ZNF790: variants seen among roughly 807,000 people sequenced by gnomAD.
ZNF790 encodes zinc finger protein 790.
In ZNF790, 8 loss-of-function variants were observed where a neutral mutation model predicts 12.1. That is an observed-to-expected ratio of 0.66 (90% CI 0.39 to 1.19). The LOEUF (loss-of-function observed/expected upper bound fraction) is 1.19, where lower values mean the gene tolerates loss of function less well. ZNF790 is among the 50% of genes most tolerant of loss of function. The probability of loss-of-function intolerance (pLI) is 0.01; values close to 1 mark genes in which losing one functional copy is unlikely to be tolerated. For synonymous variants in ZNF790, 252 were observed against 244.3 expected (o/e 1.03, Z -0.29); for missense variants, 707 against 752.2 (o/e 0.94, Z 0.70).
upstream of ZNF790, among the ~76,000 whole-genome samples, chr19:36,839,825 G>A (rs1008802561): frequency 1.3e-5 from 2 of 152,154 alleles, no homozygotes; most frequent in African/African-American, 2.4e-5. Context: ...CACTTTGGGA[G>A]GCTGAGGAGG....
At chr19:36,847,812 T>C (rs1045904936) in intron 1 of ZNF790, among the ~76,000 whole-genome samples, 2 of 150,758 alleles carry the variant, frequency 1.3e-5, no homozygotes, top group African/African-American at 4.9e-5. Context: ...AGAGCCTACA[T>C]AGATGGAATT....
intron 1 of ZNF790, among the ~76,000 whole-genome samples, chr19:36,844,085 G>A (rs1346284432): frequency 6.6e-6 from 1 of 151,278 alleles, no homozygotes; most frequent in Non-Finnish European, 1.5e-5. Flanking sequence ...CTTTGGGAAT[G>A]CCTGGGTGGA....
At chr19:36,829,830 G>A (rs764192797) in intron 1 of ZNF790, among the ~76,000 whole-genome samples, 7 of 152,158 alleles carry the variant, frequency 4.6e-5, no homozygotes, top group Middle Eastern at 3.2e-3. Flanking sequence ...GCCTCCCAAA[G>A]TGCTGGGATT....
rs754595600 is a variant in ZNF790 at position 36,823,383 on chromosome 19, G to A, written c.134-3C>T. 5.6e-6 allele frequency: 9 copies of A among 1,613,116 alleles called. No homozygotes were observed. In the Admixed American group the frequency reaches 1.2e-4, roughly 21 times the overall value. On this transcript the variant is annotated splice_region_variant and splice_polypyrimidine_tract_variant and intron_variant, in intron 3 of 4. Transcript: ENST00000356725. Reference sequence around the variant, plus strand: ...TTCTGGCTGATAAATGCAAAAACCTGCCCAGAAGATGAGAAACAGCAAAGA... The same window carrying A: ...TTCTGGCTGATAAATGCAAAAACCTACCCAGAAGATGAGAAACAGCAAAGA...
chr19:36,836,173 A>C (rs551219739), intron 1 of ZNF790, among the ~76,000 whole-genome samples: 1 of 152,256 alleles, frequency 6.6e-6, no homozygotes, highest in South Asian at 2.1e-4. Context: ...TTAGGTAAGC[A>C]AACTACAGAA....
chr19:36,846,746 A>G (rs772833405), intron 1 of ZNF790, among the ~76,000 whole-genome samples: 14 of 152,196 alleles, frequency 9.2e-5, no homozygotes, highest in South Asian at 6.2e-4. Flanking sequence ...CTATTAGTCT[A>G]TTTGGCACTC....
At chr19:36,832,301 A>G (rs1165707559) in intron 1 of ZNF790, among the ~76,000 whole-genome samples, 1 of 152,222 alleles carries the variant, frequency 6.6e-6, no homozygotes, top group Non-Finnish European at 1.5e-5. Flanking sequence ...GATGGCCCCA[A>G]AGGTACCCAG....
At chr19:36,822,951 A>G (rs959221258) in intron 4 of ZNF790, among the ~76,000 whole-genome samples, 10 of 145,020 alleles carry the variant, frequency 6.9e-5, no homozygotes, top group African/African-American at 2.3e-4. Flanking sequence ...CCCTGGTTCA[A>G]CAATTCTCCT....
chr19:36,839,559 C>A (rs1028776181), upstream of ZNF790, among the ~76,000 whole-genome samples: 1 of 152,088 alleles, frequency 6.6e-6, no homozygotes, highest in Non-Finnish European at 1.5e-5. Flanking sequence ...TGCCATCACA[C>A]TCAGCTAATT....
At chr19:36,834,020 A>T (rs1021655570) in intron 1 of ZNF790, among the ~76,000 whole-genome samples, 1 of 152,034 alleles carries the variant, frequency 6.6e-6, no homozygotes, top group South Asian at 2.1e-4. Context: ...AGGCGGGTGG[A>T]TCATCTGAGG....
chr19:36,818,778 AG>A lies in ZNF790; in HGVS notation c.1565del (p.Thr522IlefsTer131), dbSNP rs773114573. On this transcript the variant is annotated frameshift_variant, in exon 5 of 5. Transcript: ENST00000356725. LOFTEE classifies it low-confidence loss of function (END_TRUNC). ...GKAFLWGSQL[T>X]RHQRMHTGEE... ...CACCAGTATGCATTCTCTGATGTCG[AG>A]TAAGTTGTGAACCCCAGAGAAAGGC... 13 of 1,610,202 alleles carry A rather than the reference AG, an allele frequency of 8.1e-6. No homozygotes were observed. Among genetic ancestry groups the A allele is most frequent in the Admixed American group, 6.8e-5 (4 of 58,942 alleles).
intron 4 of ZNF790, 137 bp downstream of exon 4, chr19:36,823,148 A>G (rs1600649865): frequency 1.5e-6 from 1 of 661,566 alleles, no homozygotes; most frequent in Non-Finnish European, 2.5e-6. Context: ...TACAGGCGGG[A>G]GCCACCACAC....
In ZNF790 at chr19:36,828,579, C is replaced by T. The variant is rs76495702; in HGVS notation, c.-73-2887G>A. On this transcript the variant is annotated intron_variant, in intron 1 of 4. Coordinates refer to ENST00000356725, the MANE Select transcript of ZNF790 (RefSeq NM_206894.4). The stretch of plus-strand genomic sequence containing the variant: ...GTTGCCTCAAACTGCTAGGCTGAAG[C>T]GATCCTTCCACCTCAGTCTGCTGAA... Among the ~76,000 whole-genome samples the T allele has an allele frequency of 6.5e-3, 986 of 152,148 alleles. 11 individuals carry two copies. Among genetic ancestry groups the T allele is most frequent in the African/African-American group, 0.022 (914 of 41,502 alleles).
In ZNF790 at chr19:36,818,829, T is replaced by C. The variant is rs762228076; in HGVS notation, c.1515A>G (p.Pro505=). The change falls in exon 5 of 5, where the codon CCA becomes CCG. Residue 505 remains proline, a synonymous_variant. Transcript: ENST00000356725. ...CTTTTCCACATTCTTCACATTCATA[T>C]GGCCTCTTTCCAGTATGAATTTTCT... The part of the protein sequence containing the change: ...RHQKIHTGKR[P]YECEECGKAF... 1 of 1,613,350 alleles carries C rather than the reference T, an allele frequency of 6.2e-7. No individual in the cohort carries two copies. The highest frequency in any genetic ancestry group is 1.1e-5 in the South Asian group (1 of 91,024).
At position 36,817,608 on chromosome 19, in the gene ZNF790, A is replaced by G. The variant is rs539647313; in HGVS notation, c.*825T>C. 2.0e-5 allele frequency: 3 copies of G among 152,000 alleles called. No homozygotes were observed. In the East Asian group the frequency reaches 5.8e-4, roughly 29 times the overall value. The allele number at this position is 152,000 out of a possible 1,614,324, so 9.4% of individuals were successfully genotyped here. ...AGTCATGTAAATCTCAAATCATTCA[A>G]CCCTTATAATCTAATGAATACGATT... is the stretch of plus-strand genomic sequence containing the variant. On this transcript the variant is annotated 3_prime_UTR_variant, in exon 5 of 5. Coordinates refer to ENST00000356725, the MANE Select transcript of ZNF790 (RefSeq NM_206894.4).
At chr19:36,829,439 T>C (rs953412797) in intron 1 of ZNF790, among the ~76,000 whole-genome samples, 3 of 152,220 alleles carry the variant, frequency 2.0e-5, no homozygotes, top group African/African-American at 7.2e-5. Context: ...TCAAGGTTTA[T>C]CCAAATTGTA....
At chr19:36,821,834 G>A (rs192180494) in intron 4 of ZNF790, among the ~76,000 whole-genome samples, 42 of 152,080 alleles carry the variant, frequency 2.8e-4, no homozygotes, top group African/African-American at 9.4e-4. Flanking sequence ...TGATTCACCC[G>A]CCTCGGCCTT....
intron 1 of ZNF790, among the ~76,000 whole-genome samples, chr19:36,836,655 G>C (rs1019471893): frequency 1.3e-5 from 2 of 149,880 alleles, no homozygotes; most frequent in Non-Finnish European, 2.9e-5. Context: ...TACTCGGGAG[G>C]CTGAGGCAGG....
At chr19:36,830,500 G>C (rs2071925928) in intron 1 of ZNF790, among the ~76,000 whole-genome samples, 1 of 152,126 alleles carries the variant, frequency 6.6e-6, no homozygotes, top group South Asian at 2.1e-4. Flanking sequence ...TCTCGTTTCA[G>C]TATCTGGGAA....
Sources: gnomAD v4.1 joint callset for allele counts (sites outside exome capture counted in the v4.1 genomes callset) on GRCh38, gnomAD v4.1.1 for gene constraint, MANE v1.5 for transcripts, NCBI Gene and HGNC (gene_info 2026-07-23, HGNC 2026-07-21) for gene names.